VEGFA: variants seen among roughly 807,000 people sequenced by gnomAD.
VEGFA encodes the protein vascular endothelial growth factor A, long form.
VEGFA carries 20 observed loss-of-function variants against 49.7 expected under a neutral mutation model. The observed-to-expected ratio is 0.40, with a 90% confidence interval of 0.28 to 0.58. The LOEUF (loss-of-function observed/expected upper bound fraction) is 0.58. Among genes scored for constraint, VEGFA ranks in the 20% least tolerant of loss-of-function variants. The pLI, the probability that VEGFA is intolerant of heterozygous loss-of-function variation, is 0.40. For synonymous variants in VEGFA, 219 were observed against 223.4 expected (o/e 0.98, Z 0.18); for missense variants, 505 against 553.5 (o/e 0.91, Z 0.88).
At chr6:43,776,260 T>C (rs980638684) in intron 2 of VEGFA, 2 of 152,220 alleles carry the variant, frequency 1.3e-5, no homozygotes, top group African/African-American at 4.8e-5. Context: ...TACCAACTCA[T>C]GGCCAGAGCC....
At chr6:43,779,586 G>A (rs765899963) in intron 5 of VEGFA, 14 of 411,888 alleles carry the variant, frequency 3.4e-5, no homozygotes, top group Admixed American at 3.0e-4. Context: ...GAGACTGAGA[G>A]AGAGCACCTG....
Position 43,773,554 on chromosome 6 carries a change from T to C in VEGFA, c.607-787T>C, listed in dbSNP as rs1292015793. ...AGTGCCAAGGCATAAAAGCCTTCCC[T>C]GGTCCCTGGTGGCATTTGAAGGTGC... is the stretch of plus-strand genomic sequence containing the variant. On this transcript the variant is annotated intron_variant, in intron 1 of 7. Coordinates refer to ENST00000672860, the MANE Select transcript of VEGFA (RefSeq NM_003376.6). The surrounding 1 kb of genome is among the most constrained non-coding windows in gnomAD (Gnocchi z 5.6). 1 of 152,446 alleles carries C rather than the reference T, an allele frequency of 6.6e-6. No individual in the cohort carries two copies. The highest frequency in any genetic ancestry group is 1.5e-5 in the Non-Finnish European group (1 of 68,254). 9.4% of individuals were successfully genotyped at this position (152,446 alleles called of 1,614,324 possible).
rs1238203994 is a variant in VEGFA at position 43,784,988 on chromosome 6, T to C, written c.*426T>C. ...ATTTTATATATATAAAATATATATA[T>C]TCTTTTTTTAAATTAACAGTGCTAA... On this transcript the variant is annotated 3_prime_UTR_variant, in exon 8 of 8. Coordinates refer to ENST00000672860, the MANE Select transcript of VEGFA (RefSeq NM_003376.6). The C allele has an allele frequency of 5.6e-6, 1 of 178,776 alleles. No homozygotes were observed. Among genetic ancestry groups the C allele is most frequent in the African/African-American group, 2.4e-5 (1 of 41,884 alleles). The allele number at this position is 178,776 out of a possible 1,614,324, so 11.1% of individuals were successfully genotyped here.
chr6:43,771,427 C>G lies in VEGFA; in HGVS notation c.606+115C>G. The G allele has an allele frequency of 3.7e-6, 4 of 1,094,574 alleles. No homozygotes were observed. In the South Asian group the frequency reaches 5.2e-5, roughly 14 times the overall value. 67.8% of individuals were successfully genotyped at this position (1,094,574 alleles called of 1,614,324 possible). Reference sequence around the variant, plus strand: ...CGTGCCCCACGCGGGTCCATGGGCACCAGGCGTGCGGCGTCCCCCTCTGTC... The same window carrying G: ...CGTGCCCCACGCGGGTCCATGGGCAGCAGGCGTGCGGCGTCCCCCTCTGTC... On this transcript the variant is annotated intron_variant, in intron 1 of 7. Transcript: ENST00000672860.
At chr6:43,780,116 C>A (rs1766932526) in intron 5 of VEGFA, 1 of 218,706 alleles carries the variant, frequency 4.6e-6, no homozygotes, top group South Asian at 7.3e-5. Context: ...GCCTCCCAGT[C>A]CAGGTCGTGC....
At chr6:43,782,325 C>G (rs1768109686) in intron 7 of VEGFA, 1 of 550,624 alleles carries the variant, frequency 1.8e-6, no homozygotes, top group African/African-American at 1.9e-5. Context: ...GCCCTGGTTG[C>G]CTGAGTGGTA....
chr6:43,786,439 TA>T lies in VEGFA; in HGVS notation c.*1889del, dbSNP rs869136464. ...ACGACAAAGAAATACAGATATATCT[TA>T]AAAAAAAAAAAGCATTTTGTATTAA... On this transcript the variant is annotated 3_prime_UTR_variant, in exon 8 of 8. Coordinates refer to ENST00000672860, the MANE Select transcript of VEGFA (RefSeq NM_003376.6). The T allele has an allele frequency of 0.023, 3,573 of 157,174 alleles. 12 individuals carry two copies. The highest frequency in any genetic ancestry group is 0.05 in the East Asian group (394 of 7,818). The allele number at this position is 157,174 out of a possible 1,614,324, so 9.7% of individuals were successfully genotyped here.
chr6:43,778,245 A>G (rs1766118269), intron 3 of VEGFA: 1 of 622,498 alleles, frequency 1.6e-6, no homozygotes. Flanking sequence ...CTTGGCCTCA[A>G]GTGGAACAAG....
At chr6:43,784,358 G>A in intron 7 of VEGFA, 183 bp from the exon 8 acceptor site, 2 of 693,214 alleles carry the variant, frequency 2.9e-6, no homozygotes, top group Non-Finnish European at 5.3e-6. Context: ...CTGAGGGCAG[G>A]GCTGGGGCTG....
chr6:43,780,987 G>A (rs1561995452), intron 6 of VEGFA, 184 bp downstream of exon 6: 4 of 1,470,354 alleles, frequency 2.7e-6, no homozygotes, highest in Non-Finnish European at 3.7e-6. Flanking sequence ...TAGATTTGGT[G>A]GTGGCATTGC....
intron 4 of VEGFA, 133 bp downstream of exon 4, chr6:43,778,669 T>C: frequency 9.3e-7 from 1 of 1,079,616 alleles, no homozygotes; most frequent in Non-Finnish European, 1.4e-6. Context: ...TTTACTTCAA[T>C]GTGCCTCAGT....
At chr6:43,778,763 A>T in intron 4 of VEGFA, 126 bp from the exon 5 acceptor site, 1 of 1,139,672 alleles carries the variant, frequency 8.8e-7, no homozygotes, top group Non-Finnish European at 1.3e-6. Flanking sequence ...TGAAAAGATT[A>T]AAACAGTGTT....
At chr6:43,772,940 C>T (rs1764100552) in intron 1 of VEGFA, among the ~76,000 whole-genome samples, 2 of 152,184 alleles carry the variant, frequency 1.3e-5, no homozygotes, top group South Asian at 4.1e-4. Flanking sequence ...CCCTCCTGTG[C>T]TCCCTGGCCT....
intron 1 of VEGFA, 80 bp downstream of exon 1, chr6:43,771,392 G>T: frequency 6.9e-7 from 1 of 1,449,080 alleles, no homozygotes; most frequent in Non-Finnish European, 9.2e-7. Flanking sequence ...GAGCGCGCGC[G>T]TGGGGGCTCC....
intron 1 of VEGFA, among the ~76,000 whole-genome samples, chr6:43,772,407 T>C (rs1763917748): frequency 6.6e-6 from 1 of 152,218 alleles, no homozygotes; most frequent in Non-Finnish European, 1.5e-5. Flanking sequence ...GACAGTGTGC[T>C]TCCCTTCCCT....
At position 43,777,695 on chromosome 6, in the gene VEGFA, G is replaced by T; in HGVS notation, c.855+30G>T. ...GCATCTTTGGGAAGTGGGGCAAGGG[G>T]GGGATAGGGAGGGGGGTAACACTTT... On this transcript the variant is annotated intron_variant, in intron 3 of 7. Coordinates refer to ENST00000672860, the MANE Select transcript of VEGFA (RefSeq NM_003376.6). This position sits in a 1 kb window ranked among gnomAD's most constrained non-coding sequence, Gnocchi z 4.3. The T allele has an allele frequency of 7.9e-7, 1 of 1,268,178 alleles. No homozygotes were observed. The highest frequency in any genetic ancestry group is 1.1e-6 in the Non-Finnish European group (1 of 911,236). The allele number at this position is 1,268,178 out of a possible 1,614,324, so 78.6% of individuals were successfully genotyped here. A position where few individuals can be genotyped will look rare whatever the true frequency, so the allele number is the denominator to read the frequency against.
At chr6:43,784,501 C>A (rs1769090770) in intron 7 of VEGFA, 40 bp from the exon 8 acceptor site, 2 of 1,610,886 alleles carry the variant, frequency 1.2e-6, no homozygotes, top group African/African-American at 1.3e-5. Flanking sequence ...GGCCTCCTCA[C>A]TTGGCCCTAA....
rs777531850 is a variant in VEGFA, at chr6:43,771,207, G to A, written c.501G>A (p.Gly167=). The A allele has an allele frequency of 6.2e-7, 1 of 1,602,032 alleles. No individual in the cohort carries two copies. The highest frequency in any genetic ancestry group is 1.7e-5 in the Admixed American group (1 of 59,526). Residue 167 remains glycine (G), a synonymous_variant, in exon 1 of 8, where the codon GGG becomes GGA. Transcript: ENST00000672860. ...CGCCCCACAGCCCGAGCCGGAGAGG[G>A]AGCGCGAGCCGCGCCGGCCCCGGTC...
intron 7 of VEGFA, 52 bp downstream of exon 7, chr6:43,782,139 G>GGAGA: frequency 6.2e-7 from 1 of 1,605,152 alleles, no homozygotes; most frequent in South Asian, 1.1e-5. Context: ...ACAGAGATGG[G>GGAGA]GAGAGAGAGA....
Sources: allele counts gnomAD v4.1 joint callset (sites outside exome capture counted in the v4.1 genomes callset), GRCh38; gene constraint gnomAD v4.1.1; non-coding constraint Gnocchi (gnomAD v3.1); transcripts MANE v1.5; gene names NCBI Gene and HGNC (gene_info 2026-07-23, HGNC 2026-07-21).